The following AGBL4 variants were observed in gnomAD, a reference collection of about 807,000 sequenced individuals.
AGBL4 encodes cytosolic carboxypeptidase 6.
Under a neutral mutation model 66.4 loss-of-function variants are expected in AGBL4, and 58 were observed. The observed-to-expected ratio is 0.87, with a 90% CI of 0.71 to 1.09. The LOEUF (loss-of-function observed/expected upper bound fraction) is 1.09, where lower values mean the gene tolerates loss of function less well. Among genes scored for constraint, AGBL4 ranks in the 50% least tolerant of loss-of-function variants. AGBL4 has a pLI of 0.00. For missense variants in AGBL4, 579 were observed against 631.0 expected (o/e 0.92, Z 0.88); for synonymous variants, 234 against 222.9 (o/e 1.05, Z -0.44).
chr1:48,564,339 T>C (rs1033133203), intron 11 of AGBL4, among the ~76,000 whole-genome samples: 1 of 152,082 alleles, frequency 6.6e-6, no homozygotes, highest in Non-Finnish European at 1.5e-5. Flanking sequence ...CCATTAATCA[T>C]GGTAGTCAGG....
chr1:49,755,865 A>G (rs1475211234), intron 2 of AGBL4, among the ~76,000 whole-genome samples: 1 of 152,164 alleles, frequency 6.6e-6, no homozygotes, highest in Admixed American at 6.6e-5. Flanking sequence ...TAAAATGCAA[A>G]CTTAACTATG....
At chr1:49,813,836 C>T (rs1047009029) in intron 2 of AGBL4, among the ~76,000 whole-genome samples, 2 of 152,062 alleles carry the variant, frequency 1.3e-5, no homozygotes, top group African/African-American at 2.4e-5. Context: ...GCTGTGTCCC[C>T]ACCCAAATCT....
intron 6 of AGBL4, among the ~76,000 whole-genome samples, chr1:48,779,543 G>A (rs1421462074): frequency 1.3e-5 from 2 of 152,114 alleles, no homozygotes; most frequent in Non-Finnish European, 2.9e-5. Context: ...TAGAATAAGA[G>A]CTCTTTGAGG....
intron 1 of AGBL4, among the ~76,000 whole-genome samples, chr1:49,914,908 G>A (rs1206182561): frequency 6.6e-6 from 1 of 152,160 alleles, no homozygotes; most frequent in Non-Finnish European, 1.5e-5. Flanking sequence ...GAACTCTCAT[G>A]TAACTAACCC....
chr1:49,436,271 T>C (rs567580263), intron 3 of AGBL4, among the ~76,000 whole-genome samples: 1 of 152,210 alleles, frequency 6.6e-6, no homozygotes, highest in East Asian at 1.9e-4. Flanking sequence ...GAGTGTTTCC[T>C]CAGAACTTTA....
chr1:48,759,037 T>C, intron 6 of AGBL4: 1 of 1,614,050 alleles, frequency 6.2e-7, no homozygotes, highest in Non-Finnish European at 8.5e-7. Context: ...CCGCTCCAGC[T>C]CCTGCTGGAG....
chr1:49,369,336 C>T (rs1570541299), intron 3 of AGBL4, among the ~76,000 whole-genome samples: 2 of 152,228 alleles, frequency 1.3e-5, no homozygotes, highest in Admixed American at 6.5e-5. Context: ...GCAAATCTTA[C>T]GAAGAGGAAA....
chr1:49,006,117 G>C (rs1030553226), intron 5 of AGBL4, among the ~76,000 whole-genome samples: 17 of 152,268 alleles, frequency 1.1e-4, no homozygotes, highest in Non-Finnish European at 1.9e-4. Context: ...TGAGGTACCG[G>C]GTTCATCTCA....
chr1:49,394,198 G>C (rs1644908746), intron 3 of AGBL4, among the ~76,000 whole-genome samples: 1 of 151,952 alleles, frequency 6.6e-6, no homozygotes, highest in African/African-American at 2.4e-5. Context: ...TGTGTCTTGT[G>C]CTGTGGCAAC....
intron 3 of AGBL4, among the ~76,000 whole-genome samples, chr1:49,468,008 A>G (rs1307981219): frequency 1.3e-5 from 2 of 151,868 alleles, no homozygotes; most frequent in Non-Finnish European, 2.9e-5. Context: ...TAATAAGACT[A>G]AACAATTGCA....
At chr1:49,006,231 G>C (rs569426450) in intron 5 of AGBL4, among the ~76,000 whole-genome samples, 1,752 of 152,266 alleles carry the variant, frequency 0.012, 31 homozygotes, top group African/African-American at 0.04. Context: ...AAGGGGTCAG[G>C]GAGTTCCCTT....
intron 3 of AGBL4, among the ~76,000 whole-genome samples, chr1:49,640,542 CA>C (rs1203293787): frequency 1.3e-5 from 2 of 152,112 alleles, no homozygotes; most frequent in Non-Finnish European, 1.5e-5. Flanking sequence ...CTTACTATAA[CA>C]TCTTTTTTAT....
At chr1:48,813,800 T>C (rs1646112080) in intron 6 of AGBL4, among the ~76,000 whole-genome samples, 1 of 151,932 alleles carries the variant, frequency 6.6e-6, no homozygotes. Flanking sequence ...TAGACTTCTT[T>C]GCTCCTTCTC....
chr1:49,632,304 C>A (rs1221656879), intron 3 of AGBL4, among the ~76,000 whole-genome samples: 3 of 152,238 alleles, frequency 2.0e-5, no homozygotes, highest in East Asian at 3.9e-4. Context: ...GAAGGGGGAA[C>A]CTTTCTCACC....
rs528427953 is a variant in AGBL4 at position 49,315,987 on chromosome 1, T to G, written c.283-70123A>C. On this transcript the variant is annotated intron_variant, in intron 3 of 13. Coordinates refer to ENST00000371839, the MANE Select transcript of AGBL4 (RefSeq NM_032785.4). ...ACATAAAAGAAATTTAAATGCATATTGCTAAGTGAAAGAGACAATCTGAAA... is the reference window on the plus strand; with the variant it reads ...ACATAAAAGAAATTTAAATGCATATGGCTAAGTGAAAGAGACAATCTGAAA... Among the ~76,000 whole-genome samples, 11 of 152,150 alleles carry G rather than the reference T, an allele frequency of 7.2e-5. No individual in the cohort carries two copies. In the East Asian group the frequency reaches 1.9e-3, roughly 27 times the overall value.
intron 4 of AGBL4, among the ~76,000 whole-genome samples, chr1:49,192,002 G>A (rs1480798062): frequency 6.6e-6 from 1 of 152,046 alleles, no homozygotes; most frequent in African/African-American, 2.4e-5. Context: ...TGGGTTGAGT[G>A]GTAGATCTAA....
At chr1:49,400,705 T>C (rs1366263210) in intron 3 of AGBL4, among the ~76,000 whole-genome samples, 5 of 152,234 alleles carry the variant, frequency 3.3e-5, no homozygotes, top group African/African-American at 9.6e-5. Context: ...GATTTTTGTA[T>C]GTTGATTTTT....
rs536934040 is a variant in AGBL4, at chr1:48,547,088, G to A, written c.1268-7350C>T. ...CGGGTGAGAGACGGAAACTGGAAGAGGGCTGGCAGAGGGTGATAGGCAAGG... is the reference window on the plus strand; with the variant it reads ...CGGGTGAGAGACGGAAACTGGAAGAAGGCTGGCAGAGGGTGATAGGCAAGG... On this transcript the variant is annotated intron_variant, in intron 11 of 13. Coordinates refer to ENST00000371839, the MANE Select transcript of AGBL4 (RefSeq NM_032785.4). Among the ~76,000 whole-genome samples, 18 of 152,192 alleles carry A rather than the reference G, an allele frequency of 1.2e-4. No individual in the cohort carries two copies. The South Asian group carries it at 3.7e-3, about 32-fold the overall frequency.
At chr1:49,907,360 G>A (rs983756266) in intron 1 of AGBL4, among the ~76,000 whole-genome samples, 2 of 152,158 alleles carry the variant, frequency 1.3e-5, no homozygotes, top group Non-Finnish European at 2.9e-5. Context: ...AAAGAATATA[G>A]TTTTATCTGT....
Sources: gnomAD v4.1 joint callset for allele counts (sites outside exome capture counted in the v4.1 genomes callset) on GRCh38, gnomAD v4.1.1 for gene constraint, MANE v1.5 for transcripts, NCBI Gene and HGNC (gene_info 2026-07-23, HGNC 2026-07-21) for gene names.